GABBR2: variants seen among roughly 807,000 people sequenced by gnomAD.
The protein encoded by GABBR2 is gamma-aminobutyric acid type B receptor subunit 2.
Under a neutral mutation model 105.6 loss-of-function variants are expected in GABBR2, and 23 were observed. The observed-to-expected ratio is 0.22, with a 90% CI of 0.16 to 0.31. GABBR2 has a LOEUF of 0.31. GABBR2 is among the 10% of genes least tolerant of loss of function. The pLI is 1.00. For missense variants in GABBR2, 734 were observed against 1,245.5 expected, an observed-to-expected ratio of 0.59 and a Z score of 6.18; for synonymous variants, 478 against 499.7, an observed-to-expected ratio of 0.96 and a Z score of 0.58.
chr9:98,634,817 C>G lies in GABBR2; in HGVS notation c.322-56745G>C, dbSNP rs1195971463. On this transcript the variant is annotated intron_variant, in intron 1 of 18. Transcript: ENST00000259455. ...ACAACCTAACGAGTGATCCTTGGAA[C>G]TGGAACGCATGCGACCCATGCCTCT... 2.6e-5 allele frequency among the ~76,000 whole-genome samples: 4 copies of G among 152,308 alleles called. No homozygotes were observed. In the East Asian group the frequency reaches 7.7e-4, roughly 29 times the overall value.
intron 1 of GABBR2, chr9:98,581,276 A>G (rs893063294): frequency 1.3e-5 from 2 of 152,404 alleles, no homozygotes; most frequent in Non-Finnish European, 2.9e-5. Flanking sequence ...TGGAAAAGTG[A>G]GACGGGAACA....
intron 13 of GABBR2, among the ~76,000 whole-genome samples, chr9:98,336,690 GGAGA>G (rs1831121906): frequency 6.6e-6 from 1 of 152,012 alleles, no homozygotes; most frequent in Admixed American, 6.6e-5. Context: ...AGCGACAGAG[GGAGA>G]CTCTGTCTCA....
chr9:98,389,298 C>A (rs1328823992), intron 9 of GABBR2, among the ~76,000 whole-genome samples: 1 of 152,214 alleles, frequency 6.6e-6, no homozygotes, highest in Non-Finnish European at 1.5e-5. Flanking sequence ...AAAACCATCA[C>A]CATTTATCCC....
intron 3 of GABBR2, among the ~76,000 whole-genome samples, chr9:98,505,455 T>TGTGTGTGTGTGC (rs1554712631): frequency 1.4e-5 from 2 of 145,594 alleles, no homozygotes; most frequent in African/African-American, 4.9e-5. Flanking sequence ...TGTGTGTGTG[T>TGTGTGTGTGTGC]GTGCATGTGC....
intron 11 of GABBR2, among the ~76,000 whole-genome samples, chr9:98,381,221 C>T (rs1404689013): frequency 6.6e-6 from 1 of 152,264 alleles, no homozygotes; most frequent in Non-Finnish European, 1.5e-5. Context: ...AACTGTTATG[C>T]TCATTTTACA....
chr9:98,562,974 G>A (rs183290625), intron 2 of GABBR2, among the ~76,000 whole-genome samples: 4 of 150,854 alleles, frequency 2.7e-5, no homozygotes, highest in African/African-American at 4.9e-5. Flanking sequence ...GGGGGCTGAG[G>A]GGGGAGGATC....
intron 6 of GABBR2, among the ~76,000 whole-genome samples, chr9:98,466,747 C>G (rs1373898170): frequency 2.0e-5 from 3 of 152,172 alleles, no homozygotes; most frequent in Non-Finnish European, 2.9e-5. Flanking sequence ...CTGTATTACT[C>G]TTAGGTTCAG....
intron 1 of GABBR2, among the ~76,000 whole-genome samples, chr9:98,683,246 G>A (rs920909793): frequency 6.6e-6 from 1 of 152,158 alleles, no homozygotes; most frequent in Non-Finnish European, 1.5e-5. Flanking sequence ...GGCATGGGCC[G>A]CCATGTCCAG....
intron 8 of GABBR2, among the ~76,000 whole-genome samples, chr9:98,405,050 A>C (rs1832465286): frequency 6.6e-6 from 1 of 152,196 alleles, no homozygotes; most frequent in Non-Finnish European, 1.5e-5. Flanking sequence ...CCTATCCAAA[A>C]AAATGCATAC....
rs1178431435 is a variant in GABBR2, at chr9:98,390,181, C to T, written c.1379-1177G>A. On this transcript the variant is annotated intron_variant, in intron 9 of 18. Coordinates refer to ENST00000259455, the MANE Select transcript of GABBR2 (RefSeq NM_005458.8). ...CTTGAGGTCAGGAGCTCGAGACCAG[C>T]CTGGCCAACATGGGGAAACCCCGTC... is the stretch of plus-strand genomic sequence containing the variant. Among the ~76,000 whole-genome samples the T allele has an allele frequency of 3.3e-5, 5 of 152,148 alleles. No individual in the cohort carries two copies. The South Asian group carries it at 1.0e-3, about 32-fold the overall frequency.
At chr9:98,484,466 T>G (rs966665570) in intron 4 of GABBR2, among the ~76,000 whole-genome samples, 3 of 152,074 alleles carry the variant, frequency 2.0e-5, no homozygotes, top group African/African-American at 7.2e-5. Context: ...TGTGAACACA[T>G]ACTCTGCTTC....
intron 1 of GABBR2, among the ~76,000 whole-genome samples, chr9:98,654,795 A>G (rs1362098199): frequency 6.6e-6 from 1 of 152,252 alleles, no homozygotes; most frequent in Non-Finnish European, 1.5e-5. Context: ...AAACCCACAT[A>G]CGGATATTTA....
intron 1 of GABBR2, among the ~76,000 whole-genome samples, chr9:98,687,788 G>A (rs985916604): frequency 6.6e-6 from 1 of 152,188 alleles, no homozygotes; most frequent in Non-Finnish European, 1.5e-5. Context: ...GGCAATGCTT[G>A]GGACCACCTA....
At position 98,374,791 on chromosome 9, in the gene GABBR2, G is replaced by A. The variant is rs111918667; in HGVS notation, c.1663-3220C>T. Among the ~76,000 whole-genome samples the A allele has an allele frequency of 1.8e-3, 281 of 152,250 alleles. 1 individual carries two copies. The highest frequency in any genetic ancestry group is 2.6e-3 in the Admixed American group (40 of 15,290). On this transcript the variant is annotated intron_variant, in intron 11 of 18. Transcript: ENST00000259455. ...TCCCCTGGACTTTGCCTCCCCACGT[G>A]CCTTTTCCTTTGCTGATATTGCTGT...
At chr9:98,606,827 A>G (rs1203333695) in intron 1 of GABBR2, 1 of 383,044 alleles carries the variant, frequency 2.6e-6, no homozygotes. Flanking sequence ...AAAAAAGTAC[A>G]AACAGTGCGA....
chr9:98,494,726 G>A (rs1827242766), intron 4 of GABBR2, among the ~76,000 whole-genome samples: 1 of 152,236 alleles, frequency 6.6e-6, no homozygotes, highest in Non-Finnish European at 1.5e-5. Flanking sequence ...ACAGGGCCTG[G>A]CCTGTGGTCA....
In GABBR2 at chr9:98,288,368, A is replaced by G. The variant is rs931367388; in HGVS notation, c.*2216T>C. Reference sequence around the variant, plus strand: ...GTTATTTGCGAGGAAATTAAAAAAAAATGGGTGAACCTACAGTATCAGTAA... The same window carrying G: ...GTTATTTGCGAGGAAATTAAAAAAAGATGGGTGAACCTACAGTATCAGTAA... On this transcript the variant is annotated 3_prime_UTR_variant, in exon 19 of 19. Transcript: ENST00000259455. 6.6e-6 allele frequency: 1 copy of G among 152,636 alleles called. No individual in the cohort carries two copies. The highest frequency in any genetic ancestry group is 1.5e-5 in the Non-Finnish European group (1 of 68,044). 9.5% of individuals were successfully genotyped at this position (152,636 alleles called of 1,614,324 possible). A position where few individuals can be genotyped will look rare whatever the true frequency, so the allele number is the denominator to read the frequency against.
chr9:98,561,887 A>G (rs1828677813), intron 2 of GABBR2, among the ~76,000 whole-genome samples: 1 of 152,278 alleles, frequency 6.6e-6, no homozygotes, highest in African/African-American at 2.4e-5. Flanking sequence ...GTCTCTCAAA[A>G]AAAGAAAGAA....
chr9:98,476,434 A>G (rs1463482574), intron 5 of GABBR2, among the ~76,000 whole-genome samples: 2 of 152,258 alleles, frequency 1.3e-5, no homozygotes, highest in Admixed American at 1.3e-4. Context: ...ATTTTCTGCC[A>G]CATGCCTGCC....
Sources: gnomAD v4.1 joint callset for allele counts (sites outside exome capture counted in the v4.1 genomes callset) on GRCh38, gnomAD v4.1.1 for gene constraint, MANE v1.5 for transcripts, NCBI Gene and HGNC (gene_info 2026-07-23, HGNC 2026-07-21) for gene names.